AGO3: variants seen among roughly 807,000 people sequenced by gnomAD.
AGO3 encodes the protein argonaute RISC catalytic component 3, also known as protein argonaute-3.
A neutral mutation model predicts 105.5 loss-of-function variants in AGO3; 16 were observed. The ratio of observed to expected loss-of-function variants is 0.15; its 90% CI spans 0.10 to 0.23. The LOEUF is 0.23. Ranked by LOEUF, AGO3 falls within the 10% of genes least tolerant of loss-of-function variation. The pLI is 1.00. For missense variants in AGO3, 534 were observed against 1,088.0 expected (o/e 0.49, Z 7.16); for synonymous variants, 340 against 367.3 (o/e 0.93, Z 0.85).
chr1:36,041,545 ATATGTTTTCT>A (rs1429163857), intron 16 of AGO3, among the ~76,000 whole-genome samples: 3 of 151,998 alleles, frequency 2.0e-5, no homozygotes, highest in African/African-American at 4.8e-5. Context: ...CCGGCCAGAA[ATATGTTTTCT>A]TATCTGTGTG....
intron 17 of AGO3, 48 bp downstream of exon 17, chr1:36,043,596 C>A: frequency 1.4e-6 from 2 of 1,407,444 alleles, no homozygotes; most frequent in Non-Finnish European, 2.0e-6. Context: ...AACTGTCATT[C>A]TTACGTGTAT....
chr1:36,039,031 C>T (rs1352355954), intron 14 of AGO3, among the ~76,000 whole-genome samples: 1 of 152,200 alleles, frequency 6.6e-6, no homozygotes, highest in African/African-American at 2.4e-5. Flanking sequence ...CTCTTATACA[C>T]ATCTTTTTGT....
Position 35,945,763 on chromosome 1 carries a change from A to C in AGO3, c.91A>C (p.Lys31Gln), listed in dbSNP as rs756833758. The change falls in exon 2 of 19, where the codon AAA (lysine) becomes CAA (glutamine). Residue 31 changes from lysine (K) to glutamine (Q), a missense_variant. Physicochemically the swap from Lys to Gln is moderately conservative, Grantham distance 53. Coordinates refer to ENST00000373191, the MANE Select transcript of AGO3 (RefSeq NM_024852.4). ...PGYGTMGKPI[K>Q]LLANCFQVEI... ...CTATGGCACCATGGGCAAACCCATT[A>C]AACTGCTGGCTAACTGTTTTCAAGT... is the stretch of plus-strand genomic sequence containing the variant. 5 of 1,613,604 alleles carry C rather than the reference A, an allele frequency of 3.1e-6. No homozygotes were observed. The highest frequency in any genetic ancestry group is 4.2e-6 in the Non-Finnish European group (5 of 1,180,018).
In AGO3 at chr1:36,009,061, G is replaced by T; in HGVS notation, c.1029+17G>T. On this transcript the variant is annotated intron_variant, in intron 8 of 18. Coordinates refer to ENST00000373191, the MANE Select transcript of AGO3 (RefSeq NM_024852.4). ...CCACTAGAAGTAATGCCTTCACACTGCTAATTAATACCCTGTTGTTCATGA... is the reference window on the plus strand; with the variant it reads ...CCACTAGAAGTAATGCCTTCACACTTCTAATTAATACCCTGTTGTTCATGA... The T allele has an allele frequency of 6.5e-7, 1 of 1,540,630 alleles. No homozygotes were observed. The highest frequency in any genetic ancestry group is 8.7e-7 in the Non-Finnish European group (1 of 1,149,274).
At chr1:35,996,035 A>G (rs1174684989) in intron 5 of AGO3, among the ~76,000 whole-genome samples, 2 of 152,178 alleles carry the variant, frequency 1.3e-5, no homozygotes, top group Non-Finnish European at 2.9e-5. Context: ...TTTTGAGAAC[A>G]CCATTAAGAA....
chr1:35,996,155 A>G (rs1639792761), intron 5 of AGO3, among the ~76,000 whole-genome samples: 1 of 151,936 alleles, frequency 6.6e-6, no homozygotes, highest in Non-Finnish European at 1.5e-5. Context: ...CCTGGGCAAC[A>G]TAGTAAAAAA....
chr1:36,046,623 T>TAAAAA (rs3073806), intron 17 of AGO3, among the ~76,000 whole-genome samples: 3,566 of 34,448 alleles, frequency 0.1, 1,333 homozygotes, highest in Non-Finnish European at 0.12. Context: ...AGTCTCTATT[T>TAAAAA]AAAAAAAAAA....
At chr1:36,016,459 G>C (rs946040620) in intron 11 of AGO3, among the ~76,000 whole-genome samples, 3 of 152,212 alleles carry the variant, frequency 2.0e-5, no homozygotes, top group Admixed American at 6.5e-5. Flanking sequence ...TGGGATTACA[G>C]GCGTGAGCCA....
In AGO3 at chr1:36,043,315, G is replaced by C. The variant is rs1218028980; in HGVS notation, c.2173-132G>C. ...CCTGCGTAGTCTGCTCTGAATGACT[G>C]CTTAAGTCATATTTCAAGGTGAAAG... On this transcript the variant is annotated intron_variant, in intron 16 of 18. Coordinates refer to ENST00000373191, the MANE Select transcript of AGO3 (RefSeq NM_024852.4). 7 of 708,162 alleles carry C rather than the reference G, an allele frequency of 9.9e-6. No individual in the cohort carries two copies. In the East Asian group the frequency reaches 1.6e-4, roughly 16 times the overall value. 43.9% of individuals were successfully genotyped at this position (708,162 alleles called of 1,614,324 possible). A position where few individuals can be genotyped will look rare whatever the true frequency, so the allele number is the denominator to read the frequency against.
chr1:35,964,395 G>T (rs1480919739), intron 2 of AGO3, among the ~76,000 whole-genome samples: 1 of 152,082 alleles, frequency 6.6e-6, no homozygotes, highest in Non-Finnish European at 1.5e-5. Context: ...TTCTATTCCT[G>T]TGTTAGTTTG....
chr1:35,961,879 A>G, intron 2 of AGO3, among the ~76,000 whole-genome samples: 1 of 152,182 alleles, frequency 6.6e-6, no homozygotes, highest in East Asian at 1.9e-4. Flanking sequence ...TTTCCACAGC[A>G]GCAGTGGGTA....
chr1:36,043,343 G>A lies in AGO3; in HGVS notation c.2173-104G>A, dbSNP rs1051190142. On this transcript the variant is annotated intron_variant, in intron 16 of 18. Transcript: ENST00000373191. ...TAAGTCATATTTCAAGGTGAAAGTAGTGAAATGTAGGATCAGCCTATGTAT... is the reference window on the plus strand; with the variant it reads ...TAAGTCATATTTCAAGGTGAAAGTAATGAAATGTAGGATCAGCCTATGTAT... The A allele has an allele frequency of 1.3e-5, 11 of 843,796 alleles. No homozygotes were observed. The Admixed American group carries it at 2.6e-4, about 20-fold the overall frequency. 52.3% of individuals were successfully genotyped at this position (843,796 alleles called of 1,614,324 possible). A position where few individuals can be genotyped will look rare whatever the true frequency, so the allele number is the denominator to read the frequency against.
intron 5 of AGO3, among the ~76,000 whole-genome samples, chr1:36,003,731 T>C: frequency 7.0e-6 from 1 of 141,958 alleles, no homozygotes; most frequent in Non-Finnish European, 1.5e-5. Flanking sequence ...TATATATATA[T>C]ATATATATGT....
intron 17 of AGO3, among the ~76,000 whole-genome samples, chr1:36,052,472 C>T (rs979279733): frequency 1.3e-5 from 2 of 152,032 alleles, no homozygotes; most frequent in Admixed American, 1.3e-4. Flanking sequence ...GGAATAAGTT[C>T]TAATATTCTA....
intron 11 of AGO3, among the ~76,000 whole-genome samples, chr1:36,022,944 A>C (rs1309621163): frequency 1.3e-5 from 1 of 75,368 alleles, no homozygotes; most frequent in East Asian, 2.4e-4. Flanking sequence ...AAAAAAAAAA[A>C]CAAAAAAAAA....
intron 11 of AGO3, among the ~76,000 whole-genome samples, chr1:36,023,388 CAAATT>C (rs1641338433): frequency 6.6e-6 from 1 of 152,186 alleles, no homozygotes; most frequent in Non-Finnish European, 1.5e-5. Flanking sequence ...AAAAACTAGA[CAAATT>C]AAATTTAACA....
intron 2 of AGO3, among the ~76,000 whole-genome samples, chr1:35,946,609 A>T (rs1249921965): frequency 6.6e-6 from 1 of 152,216 alleles, no homozygotes; most frequent in Non-Finnish European, 1.5e-5. Context: ...TTCATTTAAG[A>T]CATTTAAGAA....
At chr1:36,025,368 A>G (rs754574959) in intron 11 of AGO3, among the ~76,000 whole-genome samples, 11 of 150,492 alleles carry the variant, frequency 7.3e-5, no homozygotes, top group Non-Finnish European at 1.3e-4. Context: ...AGGATGGCTT[A>G]TTACAATGCT....
chr1:35,959,356 AATT>A (rs1310283466), intron 2 of AGO3, among the ~76,000 whole-genome samples: 1 of 152,180 alleles, frequency 6.6e-6, no homozygotes, highest in East Asian at 1.9e-4. Context: ...AGTTATTACC[AATT>A]ATTCTTAAGG....
Sources: allele counts gnomAD v4.1 joint callset (sites outside exome capture counted in the v4.1 genomes callset), GRCh38; gene constraint gnomAD v4.1.1; transcripts MANE v1.5; gene names NCBI Gene and HGNC (gene_info 2026-07-23, HGNC 2026-07-21).